ZFHX3: variants seen among roughly 807,000 people sequenced by gnomAD.
The protein encoded by ZFHX3 is zinc finger homeobox protein 3.
A neutral mutation model predicts 279.1 loss-of-function variants in ZFHX3; 42 were observed. The observed-to-expected ratio is 0.15, with a 90% confidence interval of 0.12 to 0.19. The LOEUF is 0.19. ZFHX3 is among the 10% of genes least tolerant of loss of function. ZFHX3 has a pLI of 1.00. For missense variants in ZFHX3, 4,981 were observed against 4,754.0 expected (o/e 1.05, Z -1.40); for synonymous variants, 2,293 against 1,957.8 (o/e 1.17, Z -4.52).
intron 5 of ZFHX3, among the ~76,000 whole-genome samples, chr16:73,159,202 G>T (rs531073281): frequency 6.6e-6 from 1 of 152,292 alleles, no homozygotes; most frequent in African/African-American, 2.4e-5. Flanking sequence ...CTAATATCCA[G>T]CATCTATAAG....
intron 1 of ZFHX3, among the ~76,000 whole-genome samples, chr16:73,891,099 T>C (rs2030523326): frequency 6.9e-6 from 1 of 145,598 alleles, no homozygotes; most frequent in South Asian, 2.3e-4. Context: ...TCCATACTAA[T>C]CTCTGCCCTC....
At chr16:73,598,022 A>C (rs983514943) in intron 2 of ZFHX3, among the ~76,000 whole-genome samples, 1 of 152,134 alleles carries the variant, frequency 6.6e-6, no homozygotes, top group African/African-American at 2.4e-5. Context: ...ATGGCTCCCA[A>C]ATATCTCTTC....
intron 2 of ZFHX3, among the ~76,000 whole-genome samples, chr16:73,461,770 T>C (rs2018475774): frequency 6.6e-6 from 1 of 152,240 alleles, no homozygotes; most frequent in South Asian, 2.1e-4. Context: ...CATTGATTCC[T>C]ATAGCTATTT....
chr16:72,923,753 T>C (rs183396606), intron 3 of ZFHX3, among the ~76,000 whole-genome samples: 1 of 150,238 alleles, frequency 6.7e-6, no homozygotes, highest in African/African-American at 2.5e-5. Flanking sequence ...GTAGATGAAG[T>C]GGGAGCTAAT....
chr16:72,796,484 T>C lies in ZFHX3; in HGVS notation c.6198A>G (p.Ala2066=). The part of the protein sequence containing the change: ...PQPASTPAIP[A]SAPPITSPTI... ...TAGGTGAGGTGATGGGTGGGGCTGA[T>C]GCGGGGATGGCTGGTGTGGACGCCG... Residue 2066 remains alanine, a synonymous_variant, in exon 9 of 10, where the codon GCA becomes GCG. Coordinates refer to ENST00000268489, the MANE Select transcript of ZFHX3 (RefSeq NM_006885.4). The C allele has an allele frequency of 7.7e-7, 1 of 1,302,262 alleles. No individual in the cohort carries two copies. The highest frequency in any genetic ancestry group is 1.0e-6 in the Non-Finnish European group (1 of 995,684). The allele number at this position is 1,302,262 out of a possible 1,614,324, so 80.7% of individuals were successfully genotyped here.
intron 4 of ZFHX3, among the ~76,000 whole-genome samples, chr16:72,874,327 C>A (rs2038249843): frequency 6.6e-6 from 1 of 151,414 alleles, no homozygotes; most frequent in Non-Finnish European, 1.5e-5. Context: ...CTGCCTCAGC[C>A]TCCCGAGTGG....
At chr16:72,826,615 C>G (rs1195993899) in intron 5 of ZFHX3, among the ~76,000 whole-genome samples, 1 of 152,210 alleles carries the variant, frequency 6.6e-6, no homozygotes, top group African/African-American at 2.4e-5. Flanking sequence ...CCTGTCATTA[C>G]ACACTCAGAT....
intron 2 of ZFHX3, among the ~76,000 whole-genome samples, chr16:73,465,454 G>A (rs1037728073): frequency 1.3e-5 from 2 of 152,054 alleles, no homozygotes; most frequent in South Asian, 2.1e-4. Flanking sequence ...AAGCTGCCTC[G>A]CCCGTCTCCT....
In ZFHX3 at chr16:72,958,892, G is replaced by T. The variant is rs749382148; in HGVS notation, c.1254C>A (p.Val418=). 6.2e-7 allele frequency: 1 copy of T among 1,610,050 alleles called. No individual in the cohort carries two copies. The highest frequency in any genetic ancestry group is 8.5e-7 in the Non-Finnish European group (1 of 1,177,886). ...GACTGGAAGCCAGAGGCCCCAGGGG[G>T]ACTGAGGTAATGGGGGTCTTCAGTA... ...SSVLKTPITS[V]PLGPLASSPT... The change falls in exon 2 of 10, where the codon GTC becomes GTA. Residue 418 remains valine (V), a synonymous_variant. Coordinates refer to ENST00000268489, the MANE Select transcript of ZFHX3 (RefSeq NM_006885.4).
At chr16:72,930,086 C>G (rs1445446998) in intron 3 of ZFHX3, among the ~76,000 whole-genome samples, 2 of 152,128 alleles carry the variant, frequency 1.3e-5, no homozygotes, top group African/African-American at 4.8e-5. Context: ...GGCGTGGTGG[C>G]GGGCGCCTGT....
At chr16:72,912,749 A>AGAGTCTCC (rs1174137976) in intron 3 of ZFHX3, among the ~76,000 whole-genome samples, 1 of 152,062 alleles carries the variant, frequency 6.6e-6, no homozygotes, top group Non-Finnish European at 1.5e-5. Context: ...TTTTTTAGAC[A>AGAGTCTCC]GAGTCTCCCT....
intron 2 of ZFHX3, among the ~76,000 whole-genome samples, chr16:73,511,808 A>T (rs1254213816): frequency 6.6e-6 from 1 of 152,202 alleles, no homozygotes; most frequent in Non-Finnish European, 1.5e-5. Flanking sequence ...AAGAAAAAGA[A>T]TGAGACTTTG....
intron 3 of ZFHX3, among the ~76,000 whole-genome samples, chr16:73,371,279 C>T (rs1046622742): frequency 2.0e-5 from 3 of 151,788 alleles, no homozygotes; most frequent in African/African-American, 7.3e-5. Flanking sequence ...TGCACTCCGG[C>T]CTGGGCAACA....
At position 73,814,764 on chromosome 16, in the gene ZFHX3, C is replaced by T. The variant is rs181854154; in HGVS notation, c.-1608+76887G>A. Among the ~76,000 whole-genome samples the T allele has an allele frequency of 3.2e-4, 48 of 152,158 alleles. No homozygotes were observed. The East Asian group carries it at 8.5e-3, about 27-fold the overall frequency. ...TATATTTTTAGTAAAGACAGGGTTT[C>T]ACCATGTTGGCCAGGCTGGTCTCAA... On this transcript the variant is annotated intron_variant, in intron 1 of 17. Transcript: ENST00000641206.
intron 2 of ZFHX3, among the ~76,000 whole-genome samples, chr16:73,468,614 G>GGGACA (rs2018611952): frequency 6.6e-6 from 1 of 152,132 alleles, no homozygotes; most frequent in Non-Finnish European, 1.5e-5. Flanking sequence ...GGACATGCCT[G>GGGACA]TAATCCCAGC....
At chr16:73,874,032 A>G (rs924698868) in intron 1 of ZFHX3, among the ~76,000 whole-genome samples, 1 of 152,158 alleles carries the variant, frequency 6.6e-6, no homozygotes, top group African/African-American at 2.4e-5. Context: ...TTTTCTCTTC[A>G]ATATCTCAGG....
At chr16:73,593,711 G>A (rs1028926399) in intron 2 of ZFHX3, among the ~76,000 whole-genome samples, 1 of 152,126 alleles carries the variant, frequency 6.6e-6, no homozygotes, top group African/African-American at 2.4e-5. Flanking sequence ...GGTATCTGCA[G>A]GGATTCTGGA....
At chr16:72,862,795 A>G (rs8050431) in intron 4 of ZFHX3, among the ~76,000 whole-genome samples, 100,905 of 151,976 alleles carry the variant, frequency 0.66, 34,438 homozygotes, top group African/African-American at 0.82. Flanking sequence ...GGATCCTACA[A>G]GATACATGAT....
At chr16:73,263,877 G>A (rs1426695012) in intron 4 of ZFHX3, among the ~76,000 whole-genome samples, 1 of 152,100 alleles carries the variant, frequency 6.6e-6, no homozygotes, top group South Asian at 2.1e-4. Context: ...AAAAATGAGA[G>A]CCCTGATGGC....
Sources: allele counts gnomAD v4.1 joint callset (sites outside exome capture counted in the v4.1 genomes callset), GRCh38; gene constraint gnomAD v4.1.1; transcripts MANE v1.5; gene names NCBI Gene and HGNC (gene_info 2026-07-23, HGNC 2026-07-21).